Variants in SOS1 observed in about 807,000 individuals in gnomAD.
SOS1 encodes the protein SOS Ras/Rac guanine nucleotide exchange factor 1, also known as son of sevenless homolog 1.
In SOS1, 25 loss-of-function variants were observed where a neutral mutation model predicts 157.6. That is an observed-to-expected ratio of 0.16 (90% CI 0.12 to 0.22). The LOEUF is 0.22. Among genes scored for constraint, SOS1 ranks in the 10% least tolerant of loss-of-function variants. The pLI, the probability that SOS1 is intolerant of heterozygous loss-of-function variation, is 1.00. For synonymous variants in SOS1, 528 were observed against 534.0 expected, an observed-to-expected ratio of 0.99 and a Z score of 0.16; for missense variants, 1,237 against 1,599.1, an observed-to-expected ratio of 0.77 and a Z score of 3.86.
In SOS1 at chr2:39,022,794, T is replaced by C. The variant is rs779879442; in HGVS notation, c.1634A>G (p.Gln545Arg). The C allele has an allele frequency of 1.2e-6, 2 of 1,613,684 alleles. No individual in the cohort carries two copies. The highest frequency in any genetic ancestry group is 1.7e-6 in the Non-Finnish European group (2 of 1,179,648). Residue 545 changes from glutamine (Q) to arginine (R), a missense_variant, in exon 10 of 23, where the codon CAG (glutamine) becomes CGG (arginine). Physicochemically the swap from Gln to Arg is conservative, Grantham distance 43. This residue lies in a region of SOS1 where 210 missense variants were observed against 220.2 expected (regional missense o/e 0.95). Transcript: ENST00000402219. Reference sequence around the variant, plus strand: ...CATCCTTTCCAGTGTACTCCGGTACTGTAAAGATATCAATGCTGCCATCCA... The same window carrying C: ...CATCCTTTCCAGTGTACTCCGGTACCGTAAAGATATCAATGCTGCCATCCA... The part of the protein sequence containing the change: ...NNWMAALISL[Q>R]YRSTLERMLD...
At position 39,058,656 on chromosome 2, in the gene SOS1, C is replaced by CAGT; in HGVS notation, c.345+14_345+16dup. The CAGT allele has an allele frequency of 1.2e-6, 2 of 1,611,230 alleles. No homozygotes were observed. On this transcript the variant is annotated intron_variant, in intron 3 of 22. Coordinates refer to ENST00000402219, the MANE Select transcript of SOS1 (RefSeq NM_005633.4). ...ATTTTTCCCTTAAAAGGCAAGAAGG[C>CAGT]AGTAGTTCAGCATTACCTTTAATAA...
At chr2:39,114,678 C>T (rs1673580118) in intron 1 of SOS1, among the ~76,000 whole-genome samples, 1 of 152,052 alleles carries the variant, frequency 6.6e-6, no homozygotes, top group Non-Finnish European at 1.5e-5. Flanking sequence ...GATCTCAGCT[C>T]ACTGAAGCCT....
intron 6 of SOS1, among the ~76,000 whole-genome samples, chr2:39,050,247 T>C (rs1670959036): frequency 6.6e-6 from 1 of 152,184 alleles, no homozygotes; most frequent in African/African-American, 2.4e-5. Context: ...AGAATGACTC[T>C]TAATGCTAAC....
At position 39,045,273 on chromosome 2, in the gene SOS1, A is replaced by AGAGAGTGTGTGT. The variant is rs138343013; in HGVS notation, c.864+5870_864+5871insACACACACTCTC. ...GAGAGAGAGAGAGAGAGAGAGAGAGAGTGTGTGTGTGTGTGTGTGTGTGTG... is the reference window on the plus strand; with the variant it reads ...GAGAGAGAGAGAGAGAGAGAGAGAGAGAGAGTGTGTGTGTGTGTGTGTGTGTGTGTGTGTGTG... On this transcript the variant is annotated intron_variant, in intron 6 of 22. Transcript: ENST00000402219. 1.4e-3 allele frequency among the ~76,000 whole-genome samples: 146 copies of AGAGAGTGTGTGT among 108,088 alleles called. 1 individual carries two copies. Among genetic ancestry groups the AGAGAGTGTGTGT allele is most frequent in the African/African-American group, 2.4e-3 (71 of 29,472 alleles). 70.9% of individuals were successfully genotyped at this position (108,088 alleles called of 152,430 possible).
intron 3 of SOS1, among the ~76,000 whole-genome samples, chr2:39,057,604 G>C (rs896682381): frequency 6.6e-6 from 1 of 151,912 alleles, no homozygotes; most frequent in Non-Finnish European, 1.5e-5. Flanking sequence ...AAACTAATAA[G>C]GGTATCATGA....
chr2:39,075,738 G>A (rs1671947700), intron 1 of SOS1, among the ~76,000 whole-genome samples: 1 of 151,928 alleles, frequency 6.6e-6, no homozygotes, highest in South Asian at 2.1e-4. Flanking sequence ...AGAAAAAAGA[G>A]AAGGCACAAA....
chr2:39,069,757 A>G (rs1402519756), intron 1 of SOS1, among the ~76,000 whole-genome samples: 1 of 152,178 alleles, frequency 6.6e-6, no homozygotes, highest in Non-Finnish European at 1.5e-5. Flanking sequence ...CACGTTGGCC[A>G]GGCTGGTCTC....
chr2:39,116,950 T>G (rs894141089), intron 1 of SOS1, among the ~76,000 whole-genome samples: 1 of 152,092 alleles, frequency 6.6e-6, no homozygotes, highest in Non-Finnish European at 1.5e-5. Context: ...AAACTGTTCA[T>G]AAACCAGTTG....
At chr2:39,117,787 G>C (rs1470344448) in intron 1 of SOS1, among the ~76,000 whole-genome samples, 2 of 152,194 alleles carry the variant, frequency 1.3e-5, no homozygotes, top group African/African-American at 4.8e-5. Flanking sequence ...AGAAGAACAT[G>C]TCAAAGGGAA....
chr2:39,115,661 C>T (rs567074976), intron 1 of SOS1, among the ~76,000 whole-genome samples: 1 of 152,208 alleles, frequency 6.6e-6, no homozygotes, highest in East Asian at 1.9e-4. Flanking sequence ...TGGCCTGGAA[C>T]TCTTGGGCTC....
upstream of SOS1, among the ~76,000 whole-genome samples, chr2:39,123,559 G>C (rs552086811): frequency 6.6e-6 from 1 of 151,298 alleles, no homozygotes; most frequent in African/African-American, 2.4e-5. Flanking sequence ...GGTTTCGCTA[G>C]GTTGGCCAGG....
intron 1 of SOS1, among the ~76,000 whole-genome samples, chr2:39,071,514 G>T (rs1255448412): frequency 6.6e-6 from 1 of 152,144 alleles, no homozygotes; most frequent in Non-Finnish European, 1.5e-5. Flanking sequence ...ATGTTTATAA[G>T]TTATATAAAA....
chr2:39,069,736 C>T (rs746789827), intron 1 of SOS1, among the ~76,000 whole-genome samples: 12 of 151,994 alleles, frequency 7.9e-5, no homozygotes, highest in Non-Finnish European at 1.2e-4. Context: ...TTAGTGGAGA[C>T]GGGGTTTCAC....
chr2:39,013,711 C>G, intron 12 of SOS1, 148 bp from the exon 13 acceptor site: 9 of 881,472 alleles, frequency 1.0e-5, no homozygotes, highest in Admixed American at 5.9e-5. Context: ...TATGTTAAGG[C>G]TTATACTATA....
chr2:39,046,397 A>G (rs542785423), intron 6 of SOS1, among the ~76,000 whole-genome samples: 2 of 152,258 alleles, frequency 1.3e-5, no homozygotes, highest in Admixed American at 1.3e-4. Flanking sequence ...TTCCAAGACG[A>G]AAAACTTTAA....
At chr2:39,026,679 TG>T (rs1336897799) in intron 8 of SOS1, among the ~76,000 whole-genome samples, 2 of 152,206 alleles carry the variant, frequency 1.3e-5, no homozygotes, top group Non-Finnish European at 2.9e-5. Context: ...GGCAGAATTC[TG>T]GGAGACAAAT....
rs1177685141 is a variant in SOS1, at chr2:39,078,173, C to CCTCAAT, written c.88-10426_88-10421dup. ...CCATAAATATTAGAAAGGTGCTCAGCCTCAATCTCAATCTCAATCTCAAGC... is the reference window on the plus strand; with the variant it reads ...CCATAAATATTAGAAAGGTGCTCAGCCTCAATCTCAATCTCAATCTCAATCTCAAGC... On this transcript the variant is annotated intron_variant, in intron 1 of 22. Coordinates refer to ENST00000402219, the MANE Select transcript of SOS1 (RefSeq NM_005633.4). Among the ~76,000 whole-genome samples the CCTCAAT allele has an allele frequency of 3.3e-5, 5 of 152,146 alleles. No homozygotes were observed. The East Asian group carries it at 5.8e-4, about 18-fold the overall frequency.
At position 39,062,554 on chromosome 2, in the gene SOS1, C is replaced by T. The variant is rs192794262; in HGVS notation, c.214-3750G>A. On this transcript the variant is annotated intron_variant, in intron 2 of 22. Transcript: ENST00000402219. ...ACGAAAGCAGACGTTTTACATTTTA[C>T]GATGAAGGGCTAATGACAATAAAAA... is the stretch of plus-strand genomic sequence containing the variant. 6.0e-3 allele frequency among the ~76,000 whole-genome samples: 843 copies of T among 140,260 alleles called. 4 individuals are homozygous for T. The highest frequency in any genetic ancestry group is 7.9e-3 in the Non-Finnish European group (521 of 65,592). 92.0% of individuals were successfully genotyped at this position (140,260 alleles called of 152,430 possible). A position where few individuals can be genotyped will look rare whatever the true frequency, so the allele number is the denominator to read the frequency against.
chr2:39,092,015 G>A (rs1672615243), intron 1 of SOS1, among the ~76,000 whole-genome samples: 5 of 152,124 alleles, frequency 3.3e-5, no homozygotes, highest in Admixed American at 3.3e-4. Context: ...ACAAAAGTCT[G>A]TTTTTCTTCA....
Sources: gnomAD v4.1 joint callset for allele counts (sites outside exome capture counted in the v4.1 genomes callset) on GRCh38, gnomAD v4.1.1 for gene constraint, gnomAD v4.1.1 regional missense constraint, MANE v1.5 for transcripts, NCBI Gene and HGNC (gene_info 2026-07-23, HGNC 2026-07-21) for gene names.